Variants in POLR3B observed in about 807,000 individuals in gnomAD.
POLR3B encodes RNA polymerase III subunit B.
Under a neutral mutation model 147.4 loss-of-function variants are expected in POLR3B, and 96 were observed. The observed-to-expected ratio is 0.65, with a 90% CI of 0.55 to 0.77. POLR3B has a LOEUF of 0.77. Ranked by LOEUF, POLR3B falls within the 30% of genes least tolerant of loss-of-function variation. The pLI is 0.00. For missense variants in POLR3B, 1,036 were observed against 1,413.5 expected, an observed-to-expected ratio of 0.73 and a Z score of 4.28; for synonymous variants, 461 against 485.9, an observed-to-expected ratio of 0.95 and a Z score of 0.67.
chr12:106,410,830 A>G lies in POLR3B; in HGVS notation c.971A>G (p.Lys324Arg), dbSNP rs201270085. The G allele has an allele frequency of 6.2e-7, 1 of 1,613,926 alleles. No homozygotes were observed. The highest frequency in any genetic ancestry group is 2.2e-5 in the East Asian group (1 of 44,836). ...TCTCCAATTTCTGACTTACAGGTTA[A>G]GGAATTCAATTTCCGAGCCAAATGT... ...ASTILTHVPV[K>R]EFNFRAKCIY... The change falls in exon 12 of 28, where the codon AAG becomes AGG. Residue 324 changes from lysine (K) to arginine (R), a missense_variant. Coordinates refer to ENST00000228347, the MANE Select transcript of POLR3B (RefSeq NM_018082.6).
chr12:106,470,873 G>A (rs1185765081), intron 23 of POLR3B, among the ~76,000 whole-genome samples: 1 of 152,076 alleles, frequency 6.6e-6, no homozygotes, highest in Non-Finnish European at 1.5e-5. Context: ...GTGTTTGTCG[G>A]CCACTACTGG....
chr12:106,372,349 T>G lies in POLR3B; in HGVS notation c.404+2666T>G, dbSNP rs1048014866. Among the ~76,000 whole-genome samples, 1,006 of 149,626 alleles carry G rather than the reference T, an allele frequency of 6.7e-3. 18 individuals are homozygous for G. The highest frequency in any genetic ancestry group is 0.022 in the African/African-American group (917 of 41,048). ...TGTGTGTGTGTTTTTTTTTTTTTTT[T>G]TTTTTTTGAGATGGAATTCACTCTG... On this transcript the variant is annotated intron_variant, in intron 6 of 27. Coordinates refer to ENST00000228347, the MANE Select transcript of POLR3B (RefSeq NM_018082.6).
rs1276312965 is a variant in POLR3B, at chr12:106,369,618, T to G, written c.339T>G (p.Ile113Met). ...GAGACATGACATACTCTGCCCCTAT[T>G]ACAGTGGATATTGAATATACCCGAG... ...RLRDMTYSAP[I>M]TVDIEYTRGS... Residue 113 changes from isoleucine (I) to methionine (M), a missense_variant, in exon 6 of 28, where the codon ATT (isoleucine) becomes ATG (methionine). Coordinates refer to ENST00000228347, the MANE Select transcript of POLR3B (RefSeq NM_018082.6). The G allele has an allele frequency of 1.2e-6, 2 of 1,612,876 alleles. No individual in the cohort carries two copies. The highest frequency in any genetic ancestry group is 1.7e-5 in the Admixed American group (1 of 59,994).
chr12:106,432,186 C>A, intron 14 of POLR3B, 132 bp from the exon 15 acceptor site: 1 of 769,998 alleles, frequency 1.3e-6, no homozygotes, highest in Non-Finnish European at 2.3e-6. Context: ...TTGTGCGAAT[C>A]ACCACAGTAT....
intron 23 of POLR3B, among the ~76,000 whole-genome samples, chr12:106,487,877 T>TCAGTGGGTATC (rs2038361516): frequency 6.6e-6 from 1 of 152,168 alleles, no homozygotes; most frequent in Admixed American, 6.5e-5. Context: ...AGCGAGTCAA[T>TCAGTGGGTATC]ACTGAGTAGT....
chr12:106,422,228 T>A (rs2037382601), intron 12 of POLR3B, among the ~76,000 whole-genome samples: 1 of 152,256 alleles, frequency 6.6e-6, no homozygotes, highest in African/African-American at 2.4e-5. Flanking sequence ...ATTTTCTTGG[T>A]AGAATTCTCA....
rs778537362 is a variant in POLR3B, at chr12:106,366,598, C to T, written c.162+26C>T. On this transcript the variant is annotated intron_variant, in intron 3 of 27. Transcript: ENST00000228347. ...GTAAGCATCAGATGTTAGAAATAGACATAAACTAAGGATTAATTGGAAGCC... is the reference window on the plus strand; with the variant it reads ...GTAAGCATCAGATGTTAGAAATAGATATAAACTAAGGATTAATTGGAAGCC... 6.9e-6 allele frequency: 11 copies of T among 1,595,038 alleles called. No homozygotes were observed. The South Asian group carries it at 1.1e-4, about 16-fold the overall frequency.
At chr12:106,380,740 C>G (rs2036751765) in intron 9 of POLR3B, among the ~76,000 whole-genome samples, 1 of 152,158 alleles carries the variant, frequency 6.6e-6, no homozygotes, top group African/African-American at 2.4e-5. Context: ...CATAGCAAGA[C>G]CCAGTCTCAA....
At chr12:106,375,729 G>A (rs1252242613) in intron 6 of POLR3B, among the ~76,000 whole-genome samples, 10 of 152,150 alleles carry the variant, frequency 6.6e-5, no homozygotes, top group African/African-American at 2.4e-4. Context: ...CTTACACTTG[G>A]ATGCATTGTG....
chr12:106,386,390 T>G (rs2036838398), intron 9 of POLR3B, among the ~76,000 whole-genome samples: 1 of 151,090 alleles, frequency 6.6e-6, no homozygotes, highest in Non-Finnish European at 1.5e-5. Flanking sequence ...GAATTACATC[T>G]CCAGCAGAGG....
intron 12 of POLR3B, among the ~76,000 whole-genome samples, chr12:106,416,085 G>A (rs1225058336): frequency 2.6e-5 from 4 of 152,164 alleles, no homozygotes; most frequent in African/African-American, 9.7e-5. Flanking sequence ...TTTGGAGTCA[G>A]GTTTTGCAAG....
intron 1 of POLR3B, among the ~76,000 whole-genome samples, chr12:106,361,297 A>G (rs1474727694): frequency 6.6e-6 from 1 of 152,246 alleles, no homozygotes; most frequent in Non-Finnish European, 1.5e-5. Flanking sequence ...TCGACTCAGT[A>G]GAATTTTTGT....
Position 106,427,286 on chromosome 12 carries a change from A to G in POLR3B, c.1191A>G (p.Ala397=). 1 of 1,613,578 alleles carries G rather than the reference A, an allele frequency of 6.2e-7. No individual in the cohort carries two copies. Among genetic ancestry groups the G allele is most frequent in the Non-Finnish European group, 8.5e-7 (1 of 1,179,682 alleles). Residue 397 remains alanine, a synonymous_variant, in exon 13 of 28, where the codon GCA becomes GCG. Transcript: ENST00000228347. ...ACCAGGTGATTCCTAAGCAAAGAGC[A>G]GCCCAGTTTGATGTTGTCAAACACA... The part of the protein sequence containing the change: ...IADQVIPKQR[A]AQFDVVKHMR...
chr12:106,358,140 G>T, intron 1 of POLR3B, 189 bp downstream of exon 1: 2 of 1,465,398 alleles, frequency 1.4e-6, no homozygotes, highest in Non-Finnish European at 1.8e-6. Flanking sequence ...GCGAGTGAAG[G>T]CTGATCCCAG....
chr12:106,401,230 T>C (rs998273255), intron 10 of POLR3B, among the ~76,000 whole-genome samples: 18 of 152,024 alleles, frequency 1.2e-4, no homozygotes, highest in African/African-American at 3.9e-4. Context: ...CTAGAAGAAA[T>C]GGATAAACTC....
intron 6 of POLR3B, among the ~76,000 whole-genome samples, chr12:106,374,872 C>T (rs775846182): frequency 7.2e-5 from 11 of 152,090 alleles, no homozygotes; most frequent in Non-Finnish European, 1.0e-4. Flanking sequence ...TTATGAAGTT[C>T]GCATTTGTTT....
In POLR3B at chr12:106,454,660, G is replaced by T; in HGVS notation, c.2242G>T (p.Gly748Cys). ...NATVAVMSYSGYDIEDALVLN... is the reference protein window; with the variant it reads ...NATVAVMSYSCYDIEDALVLN... ...AACAGTTGCTGTGATGAGCTATAGT[G>T]GCTATGATATTGAAGATGCTCTTGT... The change falls in exon 20 of 28, where the codon GGC becomes TGC. Residue 748 changes from glycine (G) to cysteine (C), a missense_variant. Coordinates refer to ENST00000228347, the MANE Select transcript of POLR3B (RefSeq NM_018082.6). 1 of 1,612,386 alleles carries T rather than the reference G, an allele frequency of 6.2e-7. No homozygotes were observed. Among genetic ancestry groups the T allele is most frequent in the Non-Finnish European group, 8.5e-7 (1 of 1,178,588 alleles).
chr12:106,403,051 A>G (rs1370620831), intron 10 of POLR3B, among the ~76,000 whole-genome samples: 44 of 151,846 alleles, frequency 2.9e-4, no homozygotes, highest in African/African-American at 1.0e-3. Context: ...AATTTTTGCA[A>G]CCTACTCATC....
At chr12:106,406,290 T>C (rs2037149837) in intron 11 of POLR3B, among the ~76,000 whole-genome samples, 3 of 152,180 alleles carry the variant, frequency 2.0e-5, no homozygotes. Context: ...AGAGATGGTG[T>C]CTTACATGTT....
Sources: allele counts gnomAD v4.1 joint callset (sites outside exome capture counted in the v4.1 genomes callset), GRCh38; gene constraint gnomAD v4.1.1; transcripts MANE v1.5; gene names NCBI Gene and HGNC (gene_info 2026-07-23, HGNC 2026-07-21).